NDC1: variants seen among roughly 807,000 people sequenced by gnomAD.
NDC1 encodes the protein nucleoporin NDC1.
A neutral mutation model predicts 89.8 loss-of-function variants in NDC1; 24 were observed. The ratio of observed to expected loss-of-function variants is 0.27; its 90% CI spans 0.19 to 0.38. NDC1 has a LOEUF of 0.38. Among genes scored for constraint, NDC1 ranks in the 10% least tolerant of loss-of-function variants. NDC1 has a pLI of 1.00. For synonymous variants in NDC1, 296 were observed against 284.8 expected (o/e 1.04, Z -0.39); for missense variants, 728 against 797.6 (o/e 0.91, Z 1.05).
chr1:53,806,447 C>G lies in NDC1; in HGVS notation c.962G>C (p.Ser321Thr). The G allele has an allele frequency of 6.5e-7, 1 of 1,540,842 alleles. No homozygotes were observed. Among genetic ancestry groups the G allele is most frequent in the Non-Finnish European group, 8.7e-7 (1 of 1,151,570 alleles). Residue 321 changes from serine to threonine, a missense_variant, in exon 9 of 18, where the codon AGC (serine) becomes ACC (threonine). Ser to Thr is a moderately conservative substitution (Grantham distance 58, BLOSUM62 1). Coordinates refer to ENST00000371429, the MANE Select transcript of NDC1 (RefSeq NM_018087.5). Reference sequence around the variant, plus strand: ...TACCTTTATGATGGGGGGAGGATTGCTATTTAACACTTTTGGAAGGCACTC... The same window carrying G: ...TACCTTTATGATGGGGGGAGGATTGGTATTTAACACTTTTGGAAGGCACTC... ...SDECLPKVLN[S>T]NPPPIIKYLA... is the part of the protein sequence containing the mutation.
In NDC1 at chr1:53,765,605, A is replaced by T. The variant is rs1315028143; in HGVS notation, c.*2365T>A. The T allele has an allele frequency of 6.6e-6, 1 of 152,182 alleles. No homozygotes were observed. The highest frequency in any genetic ancestry group is 6.5e-5 in the Admixed American group (1 of 15,278). 9.4% of individuals were successfully genotyped at this position (152,182 alleles called of 1,614,324 possible). On this transcript the variant is annotated 3_prime_UTR_variant, in exon 18 of 18. Transcript: ENST00000371429. ...ACAATTACCAAGGAACAAATCCTGC[A>T]AAGTAACAAATTGTTGCTTATCCAT...
rs1016305109 is a variant in NDC1 at position 53,835,239 on chromosome 1, A to T, written c.178+261T>A. ...GCTGCCCAAAGGAAAAACAAATGAAACTAAGTTTTCATTTATGGGGTCTTC... is the reference window on the plus strand; with the variant it reads ...GCTGCCCAAAGGAAAAACAAATGAATCTAAGTTTTCATTTATGGGGTCTTC... On this transcript the variant is annotated intron_variant, in intron 2 of 17. Transcript: ENST00000371429. Among the ~76,000 whole-genome samples the T allele has an allele frequency of 6.6e-5, 10 of 152,112 alleles. 1 individual carries two copies. Among genetic ancestry groups the T allele is most frequent in the Admixed American group, 5.9e-4 (9 of 15,260 alleles).
chr1:53,801,106 A>G (rs2100656495), intron 10 of NDC1, among the ~76,000 whole-genome samples: 1 of 146,986 alleles, frequency 6.8e-6, no homozygotes, highest in African/African-American at 2.7e-5. Flanking sequence ...AAAAAAAAAC[A>G]AAAAACCTCT....
intron 3 of NDC1, among the ~76,000 whole-genome samples, chr1:53,829,032 T>C (rs1648967740): frequency 6.6e-6 from 1 of 152,168 alleles, no homozygotes; most frequent in African/African-American, 2.4e-5. Context: ...TAAATGCTTA[T>C]ATAGGGATTT....
At chr1:53,820,805 G>A (rs568740306) in intron 5 of NDC1, among the ~76,000 whole-genome samples, 8 of 143,244 alleles carry the variant, frequency 5.6e-5, no homozygotes, top group African/African-American at 7.9e-5. Flanking sequence ...CTACCTCCCA[G>A]GTTCAAGCAA....
At chr1:53,795,699 T>G (rs906703832) in intron 13 of NDC1, among the ~76,000 whole-genome samples, 3 of 152,182 alleles carry the variant, frequency 2.0e-5, no homozygotes, top group Non-Finnish European at 4.4e-5. Flanking sequence ...ACTACCACTC[T>G]GGTCCCAGAT....
At chr1:53,831,884 T>C (rs1192950273) in intron 3 of NDC1, among the ~76,000 whole-genome samples, 1 of 152,128 alleles carries the variant, frequency 6.6e-6, no homozygotes, top group East Asian at 1.9e-4. Flanking sequence ...AACATAAGTT[T>C]TTTTTTAATC....
intron 11 of NDC1, among the ~76,000 whole-genome samples, chr1:53,797,757 G>A (rs1324346458): frequency 6.6e-6 from 1 of 152,088 alleles, no homozygotes; most frequent in Non-Finnish European, 1.5e-5. Context: ...AGCTTCCTGA[G>A]TAGCTAGGAC....
intron 6 of NDC1, among the ~76,000 whole-genome samples, chr1:53,812,000 G>A (rs1170831777): frequency 2.0e-5 from 3 of 152,162 alleles, no homozygotes; most frequent in African/African-American, 4.8e-5. Context: ...AGACCCAGAA[G>A]AGAAACAACA....
chr1:53,815,737 A>G (rs1570218212), intron 6 of NDC1, among the ~76,000 whole-genome samples: 2 of 152,348 alleles, frequency 1.3e-5, no homozygotes, highest in South Asian at 2.1e-4. Context: ...TAGAACTGAT[A>G]AAAGAATTCA....
At chr1:53,824,819 G>T (rs746484989) in intron 5 of NDC1, among the ~76,000 whole-genome samples, 13 of 152,198 alleles carry the variant, frequency 8.5e-5, no homozygotes, top group Non-Finnish European at 1.5e-4. Flanking sequence ...ATAGGAGACA[G>T]TAAGTGATAT....
At chr1:53,834,673 TAC>T (rs1649171317) in intron 2 of NDC1, among the ~76,000 whole-genome samples, 1 of 152,118 alleles carries the variant, frequency 6.6e-6, no homozygotes, top group Non-Finnish European at 1.5e-5. Context: ...ACCTCTTAAC[TAC>T]ACAGAGTTAC....
At chr1:53,822,206 C>T (rs761867847) in intron 5 of NDC1, among the ~76,000 whole-genome samples, 2 of 152,042 alleles carry the variant, frequency 1.3e-5, no homozygotes, top group South Asian at 2.1e-4. Flanking sequence ...TGGTAGCGCA[C>T]GCCTATAGTC....
At chr1:53,781,200 T>G (rs1557566485) in intron 16 of NDC1, among the ~76,000 whole-genome samples, 1 of 152,228 alleles carries the variant, frequency 6.6e-6, no homozygotes, top group East Asian at 1.9e-4. Context: ...TTCCTAACAT[T>G]TTGTATGTAA....
At chr1:53,785,881 CTA>C (rs1226882944) in intron 16 of NDC1, among the ~76,000 whole-genome samples, 5 of 152,100 alleles carry the variant, frequency 3.3e-5, no homozygotes, top group African/African-American at 1.2e-4. Context: ...AGAAGGCCTA[CTA>C]TATACACCAG....
chr1:53,826,047 G>C, intron 4 of NDC1, 111 bp from the exon 5 acceptor site: 5 of 1,078,080 alleles, frequency 4.6e-6, no homozygotes, highest in Non-Finnish European at 6.7e-6. Context: ...CTTAAGAAAT[G>C]TCCCAAATTC....
At chr1:53,826,617 T>C (rs1399018734) in intron 4 of NDC1, among the ~76,000 whole-genome samples, 1 of 152,196 alleles carries the variant, frequency 6.6e-6, no homozygotes, top group African/African-American at 2.4e-5. Context: ...TAGCTTTAAT[T>C]ATAAGCATAA....
At chr1:53,805,282 C>T (rs1648062956) in intron 9 of NDC1, among the ~76,000 whole-genome samples, 1 of 152,150 alleles carries the variant, frequency 6.6e-6, no homozygotes, top group South Asian at 2.1e-4. Context: ...CAGCTCACTG[C>T]AGCCTCCAAC....
rs747898308 is a variant in NDC1, at chr1:53,793,244, C to G, written c.1620G>C (p.Met540Ile). The stretch of plus-strand genomic sequence containing the variant: ...ATATTCTTACCTTACTGAAAAAATA[C>G]ATTATCAGCACCCGTTTTGACAAGA... The part of the protein sequence containing the change: ...KNFLSKRVLI[M>I]YFFSKHPEAS... Residue 540 changes from methionine to isoleucine, a missense_variant, in exon 14 of 18, where the codon ATG (methionine) becomes ATC (isoleucine). By Grantham distance (10) the Met-to-Ile change is conservative (BLOSUM62 1). Coordinates refer to ENST00000371429, the MANE Select transcript of NDC1 (RefSeq NM_018087.5). 3 of 1,611,318 alleles carry G rather than the reference C, an allele frequency of 1.9e-6. No individual in the cohort carries two copies. In the African/African-American group the frequency reaches 4.0e-5, roughly 22 times the overall value.
Sources: gnomAD v4.1 joint callset for allele counts (sites outside exome capture counted in the v4.1 genomes callset) on GRCh38, gnomAD v4.1.1 for gene constraint, MANE v1.5 for transcripts, NCBI Gene and HGNC (gene_info 2026-07-23, HGNC 2026-07-21) for gene names.